Variants in GLO1 observed in about 807,000 individuals in gnomAD.
GLO1 encodes glyoxalase I.
In GLO1, 28 loss-of-function variants were observed where a neutral mutation model predicts 26.0. That is an observed-to-expected ratio of 1.08 (90% CI 0.80 to 1.48). The LOEUF (loss-of-function observed/expected upper bound fraction) is 1.48, where lower values mean the gene tolerates loss of function less well. Ranked by LOEUF, GLO1 falls within the 40% of genes most tolerant of loss-of-function variation. The pLI, the probability that GLO1 is intolerant of heterozygous loss-of-function variation, is 0.00. For synonymous variants in GLO1, 78 were observed against 77.6 expected (o/e 1.00, Z -0.03); for missense variants, 225 against 224.8 (o/e 1.00, Z -0.01).
chr6:38,681,609 C>T (rs1335072668), intron 5 of GLO1, among the ~76,000 whole-genome samples: 1 of 152,010 alleles, frequency 6.6e-6, no homozygotes, highest in Non-Finnish European at 1.5e-5. Context: ...AAAGAAATAC[C>T]ATGTGATTAT....
At chr6:38,697,113 C>T (rs919473504) in intron 1 of GLO1, among the ~76,000 whole-genome samples, 48 of 152,108 alleles carry the variant, frequency 3.2e-4, no homozygotes, top group African/African-American at 9.7e-4. Context: ...CAGGGTTTCA[C>T]CATGTTGGTT....
In GLO1 at chr6:38,676,320, G is replaced by A. The variant is rs1425864485; in HGVS notation, c.*975C>T. On this transcript the variant is annotated 3_prime_UTR_variant, in exon 6 of 6. Transcript: ENST00000373365. ...TTGGGATAGGGAAGACTCTTTATGA[G>A]AAATATAAACATCACTTGTGTAGGA... 1 of 152,100 alleles carries A rather than the reference G, an allele frequency of 6.6e-6. No individual in the cohort carries two copies. Among genetic ancestry groups the A allele is most frequent in the Non-Finnish European group, 1.5e-5 (1 of 68,020 alleles). 9.4% of individuals were successfully genotyped at this position (152,100 alleles called of 1,614,324 possible).
rs528773760 is a variant in GLO1 at position 38,682,173 on chromosome 6, A to G, written c.377-72T>C. The G allele has an allele frequency of 2.3e-4, 194 of 855,048 alleles. No individual in the cohort carries two copies. In the African/African-American group the frequency reaches 2.6e-3, roughly 12 times the overall value. 53.0% of individuals were successfully genotyped at this position (855,048 alleles called of 1,614,324 possible). On this transcript the variant is annotated intron_variant, in intron 4 of 5. Coordinates refer to ENST00000373365, the MANE Select transcript of GLO1 (RefSeq NM_006708.3). ...TATAACAGGGTGTCCAAGTACCACA[A>G]GTAGATTCCAAAACTTGTTTATTTC...
At chr6:38,691,835 G>GCTAT (rs749207064) in intron 1 of GLO1, among the ~76,000 whole-genome samples, 19 of 151,994 alleles carry the variant, frequency 1.3e-4, no homozygotes, top group Non-Finnish European at 2.2e-4. Flanking sequence ...ATTTGTTGAG[G>GCTAT]CTATCCTCCC....
intron 1 of GLO1, among the ~76,000 whole-genome samples, chr6:38,699,321 T>G (rs948294541): frequency 6.6e-6 from 1 of 152,244 alleles, no homozygotes; most frequent in African/African-American, 2.4e-5. Context: ...CTTCGTAAGC[T>G]GAGGATGTAC....
At position 38,692,436 on chromosome 6, in the gene GLO1, T is replaced by C. The variant is rs188667890; in HGVS notation, c.85-5462A>G. On this transcript the variant is annotated intron_variant, in intron 1 of 5. Transcript: ENST00000373365. Reference sequence around the variant, plus strand: ...TCATTTATGAATTCTGGGAGTTTTCTGTAAATTACTTATTATTCCCTATGT... The same window carrying C: ...TCATTTATGAATTCTGGGAGTTTTCCGTAAATTACTTATTATTCCCTATGT... Among the ~76,000 whole-genome samples, 110 of 152,340 alleles carry C rather than the reference T, an allele frequency of 7.2e-4. No homozygotes were observed. The Middle Eastern group carries it at 0.01, about 14-fold the overall frequency.
chr6:38,678,198 C>T (rs923401964), intron 5 of GLO1, among the ~76,000 whole-genome samples: 1 of 151,972 alleles, frequency 6.6e-6, no homozygotes, highest in Admixed American at 6.6e-5. Flanking sequence ...AAAAATATGA[C>T]CTCAGAAATT....
At chr6:38,692,124 A>G (rs1302418403) in intron 1 of GLO1, among the ~76,000 whole-genome samples, 2 of 152,148 alleles carry the variant, frequency 1.3e-5, no homozygotes, top group Non-Finnish European at 1.5e-5. Context: ...AAACATGTAT[A>G]TTGATTTGGG....
At chr6:38,679,468 C>T (rs1378981684) in intron 5 of GLO1, among the ~76,000 whole-genome samples, 1 of 152,102 alleles carries the variant, frequency 6.6e-6, no homozygotes, top group African/African-American at 2.4e-5. Flanking sequence ...GCATGAGCCA[C>T]CATGCCCAGA....
At position 38,684,367 on chromosome 6, in the gene GLO1, T is replaced by C. The variant is rs768872206; in HGVS notation, c.308+7A>G. 1.4e-5 allele frequency: 19 copies of C among 1,379,284 alleles called. No individual in the cohort carries two copies. The South Asian group carries it at 3.0e-4, about 21-fold the overall frequency. 85.4% of individuals were successfully genotyped at this position (1,379,284 alleles called of 1,614,324 possible). On this transcript the variant is annotated splice_region_variant and intron_variant, in intron 3 of 5. Coordinates refer to ENST00000373365, the MANE Select transcript of GLO1 (RefSeq NM_006708.3). The stretch of plus-strand genomic sequence containing the variant: ...TAATATATATAAATATAGAAACTCA[T>C]ACTCACTGTGTCAGCTCAAGTGTAG...
rs541708855 is a variant in GLO1, at chr6:38,703,129, C to G, written c.-75G>C. ...ACCCACACTACGCCTCGGCCCTGTG[C>G]CGCCTTAACTAGGAATGGCGCGATG... On this transcript the variant is annotated 5_prime_UTR_variant, in exon 1 of 6. Coordinates refer to ENST00000373365, the MANE Select transcript of GLO1 (RefSeq NM_006708.3). The G allele has an allele frequency of 1.1e-6, 1 of 873,226 alleles. No homozygotes were observed. The highest frequency in any genetic ancestry group is 1.5e-5 in the South Asian group (1 of 66,542). The allele number at this position is 873,226 out of a possible 1,614,324, so 54.1% of individuals were successfully genotyped here.
At chr6:38,685,913 G>A (rs1761454688) in intron 2 of GLO1, among the ~76,000 whole-genome samples, 1 of 152,200 alleles carries the variant, frequency 6.6e-6, no homozygotes, top group Non-Finnish European at 1.5e-5. Context: ...GTGGGATTTG[G>A]AGCTAGTAAC....
chr6:38,699,961 T>G (rs1761673854), intron 1 of GLO1, among the ~76,000 whole-genome samples: 1 of 152,194 alleles, frequency 6.6e-6, no homozygotes, highest in Non-Finnish European at 1.5e-5. Flanking sequence ...TTAGTAGTTC[T>G]GCTTTTTGCC....
intron 5 of GLO1, among the ~76,000 whole-genome samples, chr6:38,679,971 A>G (rs1761347159): frequency 6.6e-6 from 1 of 152,246 alleles, no homozygotes; most frequent in South Asian, 2.1e-4. Context: ...GCTAATTGGT[A>G]TTCCAGTTTG....
chr6:38,678,171 G>A (rs976241485), intron 5 of GLO1, among the ~76,000 whole-genome samples: 1 of 152,132 alleles, frequency 6.6e-6, no homozygotes, highest in African/African-American at 2.4e-5. Context: ...GTATGTCAGA[G>A]CTGTTTGCTT....
At position 38,702,983 on chromosome 6, in the gene GLO1, G is replaced by A. The variant is rs1467660759; in HGVS notation, c.72C>T (p.Asp24=). The part of the protein sequence containing the change: ...EAALSCCSDA[D]PSTKDFLLQQ... ...GTCCTGTGCCCACCTTGGTACTGGGGTCCGCGTCGGAGCAGCAACTGAGGG... is the reference window on the plus strand; with the variant it reads ...GTCCTGTGCCCACCTTGGTACTGGGATCCGCGTCGGAGCAGCAACTGAGGG... The change falls in exon 1 of 6, where the codon GAC becomes GAT. Residue 24 remains aspartate (D), a synonymous_variant. Transcript: ENST00000373365. 6.3e-7 allele frequency: 1 copy of A among 1,578,252 alleles called. No homozygotes were observed. The highest frequency in any genetic ancestry group is 8.7e-7 in the Non-Finnish European group (1 of 1,149,362).
At chr6:38,691,190 G>A (rs760315944) in intron 1 of GLO1, among the ~76,000 whole-genome samples, 1 of 152,052 alleles carries the variant, frequency 6.6e-6, no homozygotes, top group Admixed American at 6.6e-5. Context: ...GATGGCTACT[G>A]GGTGACAAAG....
intron 3 of GLO1, 157 bp from the exon 4 acceptor site, chr6:38,683,032 C>A: frequency 1.8e-6 from 1 of 564,406 alleles, no homozygotes; most frequent in East Asian, 2.8e-5. Context: ...ATAGAAAGGA[C>A]AAATGGCCAA....
intron 1 of GLO1, among the ~76,000 whole-genome samples, chr6:38,697,290 T>A (rs773309289): frequency 1.3e-5 from 2 of 152,152 alleles, no homozygotes; most frequent in African/African-American, 2.4e-5. Context: ...ATGGTGCCAG[T>A]TTACTCAAAA....
Sources: allele counts gnomAD v4.1 joint callset (sites outside exome capture counted in the v4.1 genomes callset), GRCh38; gene constraint gnomAD v4.1.1; transcripts MANE v1.5; gene names NCBI Gene and HGNC (gene_info 2026-07-23, HGNC 2026-07-21).